RIMS1: variants seen among roughly 807,000 people sequenced by gnomAD.
RIMS1 encodes the protein regulating synaptic membrane exocytosis protein 1.
A neutral mutation model predicts 214.1 loss-of-function variants in RIMS1; 83 were observed. The observed-to-expected ratio is 0.39, with a 90% CI of 0.32 to 0.47. The LOEUF (loss-of-function observed/expected upper bound fraction) is 0.47. Among genes scored for constraint, RIMS1 ranks in the 20% least tolerant of loss-of-function variants. The probability of loss-of-function intolerance (pLI) is 0.99; values close to 1 mark genes in which losing one functional copy is unlikely to be tolerated. For missense variants in RIMS1, 2,050 were observed against 2,161.8 expected, an observed-to-expected ratio of 0.95 and a Z score of 1.03; for synonymous variants, 793 against 786.8, an observed-to-expected ratio of 1.01 and a Z score of -0.13.
At chr6:72,232,168 A>G (rs1374672165) in intron 6 of RIMS1, among the ~76,000 whole-genome samples, 1 of 151,626 alleles carries the variant, frequency 6.6e-6, no homozygotes, top group African/African-American at 2.4e-5. Flanking sequence ...CAGTGTTTCT[A>G]TTAATTTTCA....
At chr6:72,001,671 ACTAAT>A (rs1805310385) in intron 2 of RIMS1, among the ~76,000 whole-genome samples, 1 of 152,164 alleles carries the variant, frequency 6.6e-6, no homozygotes, top group Non-Finnish European at 1.5e-5. Context: ...TAAAACTTTG[ACTAAT>A]CTAATACTGA....
At chr6:72,353,200 G>T (rs1474152381) in intron 29 of RIMS1, among the ~76,000 whole-genome samples, 1 of 151,824 alleles carries the variant, frequency 6.6e-6, no homozygotes, top group Non-Finnish European at 1.5e-5. Flanking sequence ...GGTCAGGCTG[G>T]TCTCGAACTC....
intron 4 of RIMS1, among the ~76,000 whole-genome samples, chr6:72,128,450 C>G (rs1381921416): frequency 2.0e-5 from 3 of 151,826 alleles, no homozygotes; most frequent in Non-Finnish European, 4.4e-5. Context: ...ATGTATTTGC[C>G]CTTACAGAGC....
chr6:72,169,741 C>CA (rs201422800), intron 4 of RIMS1, among the ~76,000 whole-genome samples: 3 of 151,768 alleles, frequency 2.0e-5, no homozygotes, highest in African/African-American at 7.3e-5. Flanking sequence ...CTGTCTCTAC[C>CA]AAAAAAACAC....
rs11758222 is a variant in RIMS1 at position 72,228,623 on chromosome 6, A to G, written c.1679-5150A>G. On this transcript the variant is annotated intron_variant, in intron 6 of 33. Transcript: ENST00000521978. ...TATAGTGAATAGTGCTGCAGTGAAC[A>G]TGGGAATGCAGATATATCTTTGAGA... is the stretch of plus-strand genomic sequence containing the variant. Among the ~76,000 whole-genome samples, 7 of 151,946 alleles carry G rather than the reference A, an allele frequency of 4.6e-5. No homozygotes were observed. The South Asian group carries it at 1.2e-3, about 27-fold the overall frequency.
intron 4 of RIMS1, among the ~76,000 whole-genome samples, chr6:72,135,735 A>C (rs764243752): frequency 6.6e-6 from 1 of 152,190 alleles, no homozygotes; most frequent in Non-Finnish European, 1.5e-5. Context: ...TAAGTGAAAA[A>C]TTGAGAAATG....
chr6:71,976,367 C>G (rs1291680746), intron 2 of RIMS1, among the ~76,000 whole-genome samples: 1 of 152,056 alleles, frequency 6.6e-6, no homozygotes, highest in Non-Finnish European at 1.5e-5. Context: ...GGAGAAATAT[C>G]TATCAAAATA....
At chr6:72,059,369 A>G (rs955273623) in intron 2 of RIMS1, among the ~76,000 whole-genome samples, 1 of 152,012 alleles carries the variant, frequency 6.6e-6, no homozygotes, top group African/African-American at 2.4e-5. Context: ...TTGAAACCAC[A>G]GGTTTCTGCT....
intron 2 of RIMS1, among the ~76,000 whole-genome samples, chr6:72,055,945 A>G (rs954809599): frequency 6.6e-6 from 1 of 152,214 alleles, no homozygotes. Flanking sequence ...TTGTTCTACC[A>G]TAAAGACACA....
intron 6 of RIMS1, among the ~76,000 whole-genome samples, chr6:72,230,059 A>G (rs1458603607): frequency 1.3e-5 from 2 of 151,828 alleles, no homozygotes; most frequent in Non-Finnish European, 3.0e-5. Flanking sequence ...AAAGAGGAAA[A>G]TATTTTAAGA....
intron 29 of RIMS1, among the ~76,000 whole-genome samples, chr6:72,364,415 C>A (rs1484248858): frequency 6.6e-6 from 1 of 152,136 alleles, no homozygotes; most frequent in African/African-American, 2.4e-5. Context: ...TATGTGCAGT[C>A]CCCGCATGCT....
At chr6:72,260,933 A>G in intron 19 of RIMS1, 166 bp downstream of exon 19, 2 of 1,459,592 alleles carry the variant, frequency 1.4e-6, no homozygotes, top group South Asian at 1.3e-5. Context: ...AAGGTTCCAA[A>G]TATATTTCAG....
chr6:72,104,074 G>T (rs993276700), intron 4 of RIMS1, among the ~76,000 whole-genome samples: 2 of 151,850 alleles, frequency 1.3e-5, no homozygotes, highest in African/African-American at 4.8e-5. Context: ...AATTATATAG[G>T]TACTTATTAA....
At chr6:71,894,785 G>C (rs990130515) in intron 1 of RIMS1, among the ~76,000 whole-genome samples, 2 of 152,148 alleles carry the variant, frequency 1.3e-5, no homozygotes, top group African/African-American at 4.8e-5. Flanking sequence ...CTGATGTTTA[G>C]ATAGTAAAAT....
At chr6:71,947,959 T>C (rs7754853) in intron 1 of RIMS1, among the ~76,000 whole-genome samples, 5,191 of 152,212 alleles carry the variant, frequency 0.034, 284 homozygotes, top group African/African-American at 0.12. Flanking sequence ...CTAGTTTTAG[T>C]TTAACAAGTA....
At chr6:72,240,253 T>A (rs983791254) in intron 9 of RIMS1, among the ~76,000 whole-genome samples, 1 of 152,126 alleles carries the variant, frequency 6.6e-6, no homozygotes, top group African/African-American at 2.4e-5. Flanking sequence ...ATTAACTTAA[T>A]TTGATATTAA....
At chr6:72,244,412 C>T (rs1590264103) in intron 10 of RIMS1, among the ~76,000 whole-genome samples, 1 of 151,708 alleles carries the variant, frequency 6.6e-6, no homozygotes, top group African/African-American at 2.4e-5. Flanking sequence ...ACAACTTTGC[C>T]ACCATTCTTT....
chr6:72,394,933 A>G (rs1221484642), intron 31 of RIMS1, among the ~76,000 whole-genome samples: 2 of 152,074 alleles, frequency 1.3e-5, no homozygotes, highest in Non-Finnish European at 2.9e-5. Context: ...TCCACAGAGA[A>G]AAACACCAAG....
At chr6:71,893,927 T>A (rs77943238) in intron 1 of RIMS1, among the ~76,000 whole-genome samples, 1 of 152,250 alleles carries the variant, frequency 6.6e-6, no homozygotes, top group Admixed American at 6.5e-5. Flanking sequence ...TTATTATGTA[T>A]GGTAACCCCT....
Sources: allele counts gnomAD v4.1 joint callset (sites outside exome capture counted in the v4.1 genomes callset), GRCh38; gene constraint gnomAD v4.1.1; transcripts MANE v1.5; gene names NCBI Gene and HGNC (gene_info 2026-07-23, HGNC 2026-07-21).